Variants in IPO8 observed in about 807,000 individuals in gnomAD.
IPO8 encodes importin-8.
A neutral mutation model predicts 141.2 loss-of-function variants in IPO8; 65 were observed. That is an observed-to-expected ratio of 0.46 (90% CI 0.38 to 0.57). The LOEUF (loss-of-function observed/expected upper bound fraction) is 0.57. Among genes scored for constraint, IPO8 ranks in the 20% least tolerant of loss-of-function variants. IPO8 has a pLI of 0.00. For missense variants in IPO8, 980 were observed against 1,246.8 expected, an observed-to-expected ratio of 0.79 and a Z score of 3.22; for synonymous variants, 411 against 420.3, an observed-to-expected ratio of 0.98 and a Z score of 0.27.
chr12:30,680,982 T>C (rs2053183371), intron 4 of IPO8, among the ~76,000 whole-genome samples: 5 of 152,154 alleles, frequency 3.3e-5, no homozygotes, highest in Admixed American at 3.3e-4. Flanking sequence ...CTATTTTAAA[T>C]AGACTATATA....
intron 5 of IPO8, chr12:30,677,026 T>C: frequency 6.5e-7 from 1 of 1,527,566 alleles, no homozygotes; most frequent in Non-Finnish European, 8.8e-7. Context: ...CACTTTGTAC[T>C]AAACAGATAT....
chr12:30,680,474 A>G lies in IPO8; in HGVS notation c.639+8T>C, dbSNP rs1192269293. ...ACTCCATGTTTGTTTTCTGCAATAG[A>G]AACCTACCTGAACAAGTGCATAAAA... On this transcript the variant is annotated splice_region_variant and intron_variant, in intron 5 of 24. Transcript: ENST00000256079. 6.2e-7 allele frequency: 1 copy of G among 1,603,344 alleles called. No individual in the cohort carries two copies.
At chr12:30,668,620 A>T (rs765050580) in intron 10 of IPO8, among the ~76,000 whole-genome samples, 8 of 152,216 alleles carry the variant, frequency 5.3e-5, no homozygotes, top group Non-Finnish European at 7.3e-5. Flanking sequence ...TGAGTGTTCC[A>T]TGAAGCAATT....
At chr12:30,685,147 T>TC (rs2053227319) in intron 2 of IPO8, among the ~76,000 whole-genome samples, 1 of 151,752 alleles carries the variant, frequency 6.6e-6, no homozygotes, top group East Asian at 1.9e-4. Flanking sequence ...TCTTTTCTTT[T>TC]TTTTTTTTTT....
At position 30,671,674 on chromosome 12, in the gene IPO8, CAAAAAAAAAAAA is replaced by C. The variant is rs71052423; in HGVS notation, c.910-590_910-579del. Among the ~76,000 whole-genome samples the C allele has an allele frequency of 5.3e-4, 30 of 56,478 alleles. 1 individual carries two copies. The highest frequency in any genetic ancestry group is 1.8e-3 in the African/African-American group (24 of 13,640). 37.1% of individuals were successfully genotyped at this position (56,478 alleles called of 152,430 possible). On this transcript the variant is annotated intron_variant, in intron 8 of 24. Transcript: ENST00000256079. The stretch of plus-strand genomic sequence containing the variant: ...TGGGTGATAGAGCGAGACTCTGCCT[CAAAAAAAAAAAA>C]AAAAAAAAAAAAAAATTACAATAAC...
intron 20 of IPO8, among the ~76,000 whole-genome samples, chr12:30,646,757 A>C (rs994583054): frequency 1.3e-5 from 2 of 152,222 alleles, no homozygotes; most frequent in Non-Finnish European, 2.9e-5. Flanking sequence ...AAAATATTTT[A>C]GGAATAGAAT....
intron 17 of IPO8, 116 bp downstream of exon 17, chr12:30,656,568 T>C (rs550527141): frequency 5.5e-6 from 3 of 549,752 alleles, no homozygotes; most frequent in Middle Eastern, 4.7e-4. Flanking sequence ...GAAGTGATTA[T>C]GCTTCTCTTT....
intron 5 of IPO8, among the ~76,000 whole-genome samples, chr12:30,678,811 T>C (rs1411287634): frequency 1.3e-5 from 2 of 152,162 alleles, no homozygotes; most frequent in African/African-American, 2.4e-5. Context: ...TGTACAAATA[T>C]TATGCTACTT....
chr12:30,638,309 G>C (rs190981903), intron 21 of IPO8, among the ~76,000 whole-genome samples: 1 of 152,132 alleles, frequency 6.6e-6, no homozygotes, highest in South Asian at 2.1e-4. Context: ...TTCCCTTCAA[G>C]GTTTTAATAA....
intron 21 of IPO8, 59 bp from the exon 22 acceptor site, chr12:30,637,246 C>T: frequency 7.9e-7 from 1 of 1,262,564 alleles, no homozygotes; most frequent in Non-Finnish European, 1.2e-6. Flanking sequence ...AGAACAAATT[C>T]TGGAGAAACT....
At chr12:30,690,457 C>T (rs936260992) in intron 2 of IPO8, 39 bp downstream of exon 2, 28 of 1,134,988 alleles carry the variant, frequency 2.5e-5, no homozygotes, top group Non-Finnish European at 3.6e-5. Context: ...TCTACTCTCA[C>T]CTATAAATAA....
chr12:30,662,465 A>G lies in IPO8; in HGVS notation c.1617T>C (p.His539=). The G allele has an allele frequency of 6.2e-7, 1 of 1,611,660 alleles. No homozygotes were observed. The highest frequency in any genetic ancestry group is 8.5e-7 in the Non-Finnish European group (1 of 1,178,404). Residue 539 remains histidine, a synonymous_variant, in exon 15 of 25, where the codon CAT becomes CAC. Transcript: ENST00000256079. ...QIQAKEYMKP[H]VRPIMQELLH... Reference sequence around the variant, plus strand: ...ACAGTTCCTGCATAATAGGCCTCACATGTGGCTTCATATATTCCTTAGCTA... The same window carrying G: ...ACAGTTCCTGCATAATAGGCCTCACGTGTGGCTTCATATATTCCTTAGCTA...
intron 8 of IPO8, 57 bp from the exon 9 acceptor site, chr12:30,671,153 A>C: frequency 8.3e-7 from 1 of 1,209,828 alleles, no homozygotes; most frequent in South Asian, 1.4e-5. Flanking sequence ...TAAAAGGGGG[A>C]GGTGCCATTT....
chr12:30,690,465 T>C, intron 2 of IPO8, 31 bp downstream of exon 2: 1 of 1,264,478 alleles, frequency 7.9e-7, no homozygotes, highest in Non-Finnish European at 1.1e-6. Context: ...CACCTATAAA[T>C]AAATTTATAA....
At position 30,690,510 on chromosome 12, in the gene IPO8, G is replaced by A; in HGVS notation, c.152C>T (p.Pro51Leu). The A allele has an allele frequency of 1.3e-6, 2 of 1,594,438 alleles. No individual in the cohort carries two copies. Among genetic ancestry groups the A allele is most frequent in the Admixed American group, 1.7e-5 (1 of 57,498 alleles). Residue 51 changes from proline to leucine, a missense_variant, in exon 2 of 25, where the codon CCA becomes CTA. Pro to Leu is a moderately conservative substitution (Grantham distance 98, BLOSUM62 -3). Transcript: ENST00000256079. ...RIIVSDHVEF[P>L]VRQAAAIYLK... is the part of the protein sequence containing the mutation. ...AACCAACTCACCTGCCTGTCGTACT[G>A]GGAATTCCACATGGTCAGAGACTAT...
At chr12:30,689,790 A>C (rs2053274341) in intron 2 of IPO8, among the ~76,000 whole-genome samples, 1 of 152,168 alleles carries the variant, frequency 6.6e-6, no homozygotes, top group African/African-American at 2.4e-5. Flanking sequence ...TATTCTTCTA[A>C]ATTGTCCAAA....
At chr12:30,685,667 G>A (rs1176337796) in intron 2 of IPO8, among the ~76,000 whole-genome samples, 1 of 151,296 alleles carries the variant, frequency 6.6e-6, no homozygotes. Flanking sequence ...ACTCACACCT[G>A]TAATCCCAGC....
intron 8 of IPO8, among the ~76,000 whole-genome samples, chr12:30,671,674 CA>C (rs71052423): frequency 0.37 from 20,737 of 56,038 alleles, 2,057 homozygotes; most frequent in East Asian, 0.45. Context: ...GACTCTGCCT[CA>C]AAAAAAAAAA....
chr12:30,641,469 C>T (rs1229010615), intron 20 of IPO8, among the ~76,000 whole-genome samples: 1 of 148,610 alleles, frequency 6.7e-6, no homozygotes, highest in Non-Finnish European at 1.5e-5. Flanking sequence ...TTCCCATATC[C>T]GTTACCAAAA....
Sources: gnomAD v4.1 joint callset for allele counts (sites outside exome capture counted in the v4.1 genomes callset) on GRCh38, gnomAD v4.1.1 for gene constraint, MANE v1.5 for transcripts, NCBI Gene and HGNC (gene_info 2026-07-23, HGNC 2026-07-21) for gene names.